Variants in SYT9 observed in about 807,000 individuals in gnomAD.
SYT9 encodes the protein synaptotagmin 9, also known as synaptotagmin-9.
In SYT9, 22 loss-of-function variants were observed where a neutral mutation model predicts 48.4. The ratio of observed to expected loss-of-function variants is 0.45; its 90% CI spans 0.32 to 0.65. SYT9 has a LOEUF of 0.65. SYT9 is among the 30% of genes least tolerant of loss of function. The probability of loss-of-function intolerance (pLI) is 0.03; values close to 1 mark genes in which losing one functional copy is unlikely to be tolerated. For missense variants in SYT9, 577 were observed against 622.0 expected (o/e 0.93, Z 0.77); for synonymous variants, 265 against 245.0 (o/e 1.08, Z -0.76).
chr11:7,254,651 G>A (rs10839749), intron 1 of SYT9, among the ~76,000 whole-genome samples: 2 of 152,024 alleles, frequency 1.3e-5, no homozygotes, highest in South Asian at 4.1e-4. Context: ...GAGTCATCTC[G>A]GTAAATGGAT....
intron 1 of SYT9, among the ~76,000 whole-genome samples, chr11:7,270,902 G>C (rs1028090577): frequency 6.6e-6 from 1 of 151,704 alleles, no homozygotes; most frequent in Non-Finnish European, 1.5e-5. Context: ...ATCAGGTGTG[G>C]AGAGTTTTTG....
chr11:7,447,526 C>T (rs895554682), intron 6 of SYT9, among the ~76,000 whole-genome samples: 2 of 152,192 alleles, frequency 1.3e-5, no homozygotes, highest in East Asian at 1.9e-4. Context: ...TCACTTCCTT[C>T]GAACTCAACA....
At chr11:7,323,613 A>G (rs1849376257) in intron 3 of SYT9, among the ~76,000 whole-genome samples, 2 of 152,022 alleles carry the variant, frequency 1.3e-5, no homozygotes, top group African/African-American at 4.8e-5. Context: ...CTGAATGGAT[A>G]TTGAATTTTA....
chr11:7,352,352 G>C (rs909088867), intron 3 of SYT9, among the ~76,000 whole-genome samples: 2 of 146,696 alleles, frequency 1.4e-5, no homozygotes, highest in African/African-American at 5.1e-5. Flanking sequence ...TTGCACACCT[G>C]TCCCCAATAT....
intron 1 of SYT9, among the ~76,000 whole-genome samples, chr11:7,280,762 A>G (rs1848478844): frequency 9.1e-6 from 1 of 109,516 alleles, no homozygotes; most frequent in South Asian, 3.0e-4. Flanking sequence ...AGATGTAAGT[A>G]CTATAGATGT....
intron 3 of SYT9, among the ~76,000 whole-genome samples, chr11:7,349,371 A>C (rs1354900176): frequency 1.6e-5 from 2 of 123,002 alleles, no homozygotes; most frequent in African/African-American, 3.0e-5. Context: ...TACCACAATA[A>C]AAAATATACA....
chr11:7,306,077 C>T (rs1849025403), intron 2 of SYT9, among the ~76,000 whole-genome samples: 1 of 152,124 alleles, frequency 6.6e-6, no homozygotes, highest in South Asian at 2.1e-4. Flanking sequence ...CTATTAGTAC[C>T]ATCCAAAATT....
chr11:7,437,299 C>T (rs569159502), intron 6 of SYT9, among the ~76,000 whole-genome samples: 2 of 152,296 alleles, frequency 1.3e-5, no homozygotes, highest in South Asian at 4.1e-4. Context: ...CAGTGTGCCA[C>T]AAATGTTCTT....
rs148752832 is a variant in SYT9, at chr11:7,281,933, G to C, written c.146-21106G>C. ...GGAACTTCCCACTGTAGGTACCTGG[G>C]CTCTATCAGTATTTTCTGTACTGAC... On this transcript the variant is annotated intron_variant, in intron 1 of 6. Transcript: ENST00000318881. Among the ~76,000 whole-genome samples the C allele has an allele frequency of 4.6e-3, 696 of 152,252 alleles. 5 individuals carry two copies. The highest frequency in any genetic ancestry group is 0.015 in the African/African-American group (630 of 41,522).
Position 7,361,778 on chromosome 11 carries a change from A to G in SYT9, c.1044+47837A>G, listed in dbSNP as rs138902318. Among the ~76,000 whole-genome samples the G allele has an allele frequency of 6.5e-3, 985 of 152,316 alleles. 13 individuals carry two copies. Among genetic ancestry groups the G allele is most frequent in the African/African-American group, 0.023 (946 of 41,568 alleles). ...CTGCATGTTGTGGAAAATCAACTAG[A>G]GTGGCTTAGTAAAAGAATTACATTT... On this transcript the variant is annotated intron_variant, in intron 3 of 6. Transcript: ENST00000318881.
intron 1 of SYT9, among the ~76,000 whole-genome samples, chr11:7,264,675 T>C (rs1459929110): frequency 6.6e-6 from 1 of 152,000 alleles, no homozygotes; most frequent in African/African-American, 2.4e-5. Flanking sequence ...GAGCTGCAAC[T>C]GTTGACATGA....
At position 7,314,356 on chromosome 11, in the gene SYT9, T is replaced by C. The variant is rs117988913; in HGVS notation, c.1044+415T>C. 2.2e-3 allele frequency: 699 copies of C among 319,162 alleles called. 23 individuals are homozygous for C. The East Asian group carries it at 0.045, about 21-fold the overall frequency. 19.8% of individuals were successfully genotyped at this position (319,162 alleles called of 1,614,324 possible). A position where few individuals can be genotyped will look rare whatever the true frequency, so the allele number is the denominator to read the frequency against. ...GACAGCAGTAGGTACTTACCTGTCTTCTGAGGTTGGCTCAAGAGCATTTCC... is the reference window on the plus strand; with the variant it reads ...GACAGCAGTAGGTACTTACCTGTCTCCTGAGGTTGGCTCAAGAGCATTTCC... On this transcript the variant is annotated intron_variant, in intron 3 of 6. Coordinates refer to ENST00000318881, the MANE Select transcript of SYT9 (RefSeq NM_175733.4).
intron 2 of SYT9, among the ~76,000 whole-genome samples, chr11:7,308,148 A>G (rs1460122581): frequency 6.6e-6 from 1 of 152,218 alleles, no homozygotes. Flanking sequence ...TCACCAGGGG[A>G]GTTTTGAAGA....
intron 1 of SYT9, among the ~76,000 whole-genome samples, chr11:7,243,007 T>G (rs547854259): frequency 2.0e-5 from 3 of 152,066 alleles, no homozygotes; most frequent in African/African-American, 7.2e-5. Flanking sequence ...GATTGTACCA[T>G]TGCACTCCAA....
At chr11:7,458,811 G>A (rs1005293424) in intron 6 of SYT9, among the ~76,000 whole-genome samples, 4 of 152,186 alleles carry the variant, frequency 2.6e-5, no homozygotes, top group Non-Finnish European at 5.9e-5. Context: ...GCAGAGCTCA[G>A]GTAACTGGAA....
Position 7,420,500 on chromosome 11 carries a change from TCA to T in SYT9, c.1338-3_1338-2del. On this transcript the variant is annotated splice_polypyrimidine_tract_variant and splice_region_variant and intron_variant, in intron 5 of 6. Coordinates refer to ENST00000318881, the MANE Select transcript of SYT9 (RefSeq NM_175733.4). ...AAGAAAAAACTATTGTGGGCCATTT[TCA>T]CAGTGTAGGTCACAATGAGATCATC... 1 of 1,613,890 alleles carries T rather than the reference TCA, an allele frequency of 6.2e-7. No homozygotes were observed. The highest frequency in any genetic ancestry group is 8.5e-7 in the Non-Finnish European group (1 of 1,179,884).
At chr11:7,304,294 A>C (rs747435531) in intron 2 of SYT9, among the ~76,000 whole-genome samples, 4 of 152,222 alleles carry the variant, frequency 2.6e-5, no homozygotes, top group Non-Finnish European at 4.4e-5. Flanking sequence ...GATGTTGCAC[A>C]AAAGTGTGTT....
chr11:7,382,537 A>T lies in SYT9; in HGVS notation c.1045-33505A>T, dbSNP rs576211658. On this transcript the variant is annotated intron_variant, in intron 3 of 6. Transcript: ENST00000318881. Reference sequence around the variant, plus strand: ...TCAAAATATTAATAGTGAGTTGCTTATTTGATCACTAAATAAGAAAACACT... The same window carrying T: ...TCAAAATATTAATAGTGAGTTGCTTTTTTGATCACTAAATAAGAAAACACT... Among the ~76,000 whole-genome samples, 14 of 152,300 alleles carry T rather than the reference A, an allele frequency of 9.2e-5. No individual in the cohort carries two copies. In the South Asian group the frequency reaches 2.9e-3, roughly 32 times the overall value.
At chr11:7,282,609 C>T (rs1848516914) in intron 1 of SYT9, among the ~76,000 whole-genome samples, 1 of 152,150 alleles carries the variant, frequency 6.6e-6, no homozygotes, top group Non-Finnish European at 1.5e-5. Context: ...TGTGTGCACG[C>T]TTGCCAGCCT....
Sources: gnomAD v4.1 joint callset for allele counts (sites outside exome capture counted in the v4.1 genomes callset) on GRCh38, gnomAD v4.1.1 for gene constraint, MANE v1.5 for transcripts, NCBI Gene and HGNC (gene_info 2026-07-23, HGNC 2026-07-21) for gene names.